DCP2: variants seen among roughly 807,000 people sequenced by gnomAD.
DCP2 encodes the protein decapping mRNA 2.
A neutral mutation model predicts 56.1 loss-of-function variants in DCP2; 30 were observed. The ratio of observed to expected loss-of-function variants is 0.53; its 90% CI spans 0.40 to 0.73. The LOEUF (loss-of-function observed/expected upper bound fraction) is 0.73, where lower values mean the gene tolerates loss of function less well. Among genes scored for constraint, DCP2 ranks in the 30% least tolerant of loss-of-function variants. DCP2 has a pLI of 0.00. For synonymous variants in DCP2, 197 were observed against 163.3 expected (o/e 1.21, Z -1.57); for missense variants, 533 against 502.7 (o/e 1.06, Z -0.58).
At chr5:112,995,939 T>C (rs904880738) in intron 4 of DCP2, among the ~76,000 whole-genome samples, 17 of 152,206 alleles carry the variant, frequency 1.1e-4, no homozygotes, top group East Asian at 5.8e-4. Flanking sequence ...AGCACACTTA[T>C]ACCCTTCTTG....
At chr5:112,996,310 C>T (rs995235796) in intron 4 of DCP2, among the ~76,000 whole-genome samples, 3 of 152,146 alleles carry the variant, frequency 2.0e-5, no homozygotes, top group Non-Finnish European at 4.4e-5. Flanking sequence ...ATTAATGCCT[C>T]GTTTTTCCTT....
intron 4 of DCP2, among the ~76,000 whole-genome samples, chr5:112,996,197 C>A (rs1261903503): frequency 4.6e-5 from 7 of 152,176 alleles, no homozygotes; most frequent in African/African-American, 1.7e-4. Flanking sequence ...TGCAGTTTGT[C>A]CTTCTGCCAC....
chr5:112,991,312 T>G (rs949203788), intron 2 of DCP2, among the ~76,000 whole-genome samples: 36 of 152,346 alleles, frequency 2.4e-4, no homozygotes, highest in Middle Eastern at 3.4e-3. Flanking sequence ...TTCTCTATGC[T>G]TTTTTAAAAT....
Position 113,001,109 on chromosome 5 carries a change from T to C in DCP2, c.458T>C (p.Ile153Thr). ...REVFEETGFD[I>T]KDYICKDDYI... ...GTCTTTGAAGAAACTGGTTTTGATA[T>C]CAAAGACTATATTTGTAAGGATGAT... is the stretch of plus-strand genomic sequence containing the variant. Residue 153 changes from isoleucine to threonine, a missense_variant, in exon 5 of 11, where the codon ATC becomes ACC. This residue lies in a region of DCP2 where 392 missense variants were observed against 346.6 expected (regional missense o/e 1.13). Transcript: ENST00000389063. 3.1e-6 allele frequency: 5 copies of C among 1,608,326 alleles called. No individual in the cohort carries two copies. Among genetic ancestry groups the C allele is most frequent in the Non-Finnish European group, 4.2e-6 (5 of 1,177,990 alleles).
At chr5:113,007,339 A>G (rs1280870118) in intron 8 of DCP2, among the ~76,000 whole-genome samples, 3 of 151,986 alleles carry the variant, frequency 2.0e-5, no homozygotes, top group Non-Finnish European at 2.9e-5. Context: ...AACGAGATCT[A>G]TAAGCAGACA....
At chr5:113,007,393 TTTCTTTC>T (rs1749488776) in intron 8 of DCP2, among the ~76,000 whole-genome samples, 1 of 149,034 alleles carries the variant, frequency 6.7e-6, no homozygotes, top group East Asian at 2.0e-4. Context: ...TCTTTCTTTC[TTTCTTTC>T]TTTTTTTTTT....
At chr5:112,995,734 A>G (rs1046525171) in intron 4 of DCP2, among the ~76,000 whole-genome samples, 43 of 152,328 alleles carry the variant, frequency 2.8e-4, no homozygotes, top group African/African-American at 1.0e-3. Context: ...TTTAAAGGCA[A>G]GTTTGACTTT....
chr5:112,988,334 T>C (rs1489375343), intron 2 of DCP2, among the ~76,000 whole-genome samples: 60 of 117,746 alleles, frequency 5.1e-4, no homozygotes, highest in Admixed American at 7.8e-4. Flanking sequence ...AAAAAAAAAA[T>C]ACAAAAAATT....
Position 113,014,537 on chromosome 5 carries a change from G to GT in DCP2, c.*1055dup, listed in dbSNP as rs1407008402. 6.5e-6 allele frequency: 1 copy of GT among 152,730 alleles called. No homozygotes were observed. Among genetic ancestry groups the GT allele is most frequent in the African/African-American group, 2.4e-5 (1 of 41,562 alleles). 9.5% of individuals were successfully genotyped at this position (152,730 alleles called of 1,614,324 possible). On this transcript the variant is annotated 3_prime_UTR_variant, in exon 11 of 11. Coordinates refer to ENST00000389063, the MANE Select transcript of DCP2 (RefSeq NM_152624.6). ...AATAAAGCATTTCACTAGGTTACAC[G>GT]TTATGTATATGTGTTACATAACAGT...
intron 9 of DCP2, among the ~76,000 whole-genome samples, chr5:113,010,059 G>A (rs1022611358): frequency 3.4e-5 from 5 of 148,656 alleles, no homozygotes; most frequent in African/African-American, 9.9e-5. Flanking sequence ...TTGAGACAGG[G>A]TTTTGCTCTG....
chr5:112,987,569 C>G (rs1240847326), intron 2 of DCP2, among the ~76,000 whole-genome samples: 6 of 150,304 alleles, frequency 4.0e-5, no homozygotes, highest in Admixed American at 1.3e-4. Flanking sequence ...TTTCATGCCT[C>G]AGCCTCCTGA....
intron 4 of DCP2, among the ~76,000 whole-genome samples, chr5:112,993,863 T>A (rs1186363973): frequency 2.0e-5 from 3 of 152,130 alleles, no homozygotes; most frequent in Non-Finnish European, 4.4e-5. Context: ...TATCTATGTG[T>A]GTGTGTTTAT....
intron 4 of DCP2, among the ~76,000 whole-genome samples, chr5:112,999,245 G>A (rs1749011803): frequency 6.6e-6 from 1 of 152,120 alleles, no homozygotes; most frequent in South Asian, 2.1e-4. Flanking sequence ...GATTTTTGAG[G>A]CATTATTCAA....
intron 10 of DCP2, among the ~76,000 whole-genome samples, chr5:113,011,687 G>A (rs543967248): frequency 4.6e-5 from 7 of 152,264 alleles, no homozygotes; most frequent in African/African-American, 1.7e-4. Context: ...GTGAAGAAAG[G>A]AACTATCATT....
In DCP2 at chr5:112,977,619, C is replaced by T. The variant is rs561033891; in HGVS notation, c.53+633C>T. 7.2e-5 allele frequency among the ~76,000 whole-genome samples: 11 copies of T among 152,198 alleles called. 1 individual carries two copies. In the South Asian group the frequency reaches 2.1e-3, roughly 29 times the overall value. On this transcript the variant is annotated intron_variant, in intron 1 of 10. Coordinates refer to ENST00000389063, the MANE Select transcript of DCP2 (RefSeq NM_152624.6). ...GCTTTTCTTTTTATCCTTAATAATC[C>T]TATTTTAAAGGAAATTCTCAACCGC... is the stretch of plus-strand genomic sequence containing the variant.
chr5:112,979,244 T>C (rs1209654852), intron 1 of DCP2, among the ~76,000 whole-genome samples: 2 of 152,206 alleles, frequency 1.3e-5, no homozygotes, highest in East Asian at 3.8e-4. Flanking sequence ...TATTTAAAAA[T>C]TAGGGCTGGC....
intron 1 of DCP2, among the ~76,000 whole-genome samples, chr5:112,983,433 G>T (rs1580793617): frequency 3.3e-5 from 5 of 152,288 alleles, no homozygotes; most frequent in East Asian, 3.9e-4. Flanking sequence ...TAGAGACGGG[G>T]TCTCACATTG....
chr5:113,000,413 CACACACA>C, intron 4 of DCP2, among the ~76,000 whole-genome samples: 1 of 110,736 alleles, frequency 9.0e-6, no homozygotes, highest in Middle Eastern at 4.3e-3. Flanking sequence ...CACACACACA[CACACACA>C]CACACCCACA....
At chr5:112,981,720 T>C (rs10478101) in intron 1 of DCP2, among the ~76,000 whole-genome samples, 42,940 of 152,094 alleles carry the variant, frequency 0.28, 8,417 homozygotes, top group African/African-American at 0.57. Context: ...AGTTTTTTCT[T>C]TGGGGAAAGA....
Sources: allele counts gnomAD v4.1 joint callset (sites outside exome capture counted in the v4.1 genomes callset), GRCh38; gene constraint gnomAD v4.1.1; regional missense constraint gnomAD v4.1.1; transcripts MANE v1.5; gene names NCBI Gene and HGNC (gene_info 2026-07-23, HGNC 2026-07-21).